CTNNA3: variants seen among roughly 807,000 people sequenced by gnomAD.
The protein encoded by CTNNA3 is catenin alpha-3.
Under a neutral mutation model 95.7 loss-of-function variants are expected in CTNNA3, and 76 were observed. That is an observed-to-expected ratio of 0.79 (90% CI 0.66 to 0.96). The LOEUF (loss-of-function observed/expected upper bound fraction) is 0.96, where lower values mean the gene tolerates loss of function less well. Among genes scored for constraint, CTNNA3 ranks in the 40% least tolerant of loss-of-function variants. The pLI, the probability that CTNNA3 is intolerant of heterozygous loss-of-function variation, is 0.00. For synonymous variants in CTNNA3, 431 were observed against 374.4 expected (o/e 1.15, Z -1.74); for missense variants, 1,191 against 1,089.8 (o/e 1.09, Z -1.31).
chr10:66,581,413 A>T (rs1388744378), intron 10 of CTNNA3, among the ~76,000 whole-genome samples: 1 of 148,032 alleles, frequency 6.8e-6, no homozygotes, highest in African/African-American at 2.5e-5. Context: ...TCTTTTGGGG[A>T]TTTTTTTTTT....
At chr10:66,952,470 C>T (rs577989494) in intron 7 of CTNNA3, among the ~76,000 whole-genome samples, 83 of 152,186 alleles carry the variant, frequency 5.5e-4, no homozygotes, top group African/African-American at 1.8e-3. Flanking sequence ...TCAGGGTATG[C>T]CGTCTTGTTT....
At chr10:66,258,205 T>C (rs992343820) in intron 13 of CTNNA3, among the ~76,000 whole-genome samples, 4 of 152,154 alleles carry the variant, frequency 2.6e-5, no homozygotes, top group African/African-American at 9.7e-5. Flanking sequence ...TAGACAAAAA[T>C]ACAGTGTTAG....
intron 5 of CTNNA3, among the ~76,000 whole-genome samples, chr10:67,422,088 T>C: frequency 6.6e-6 from 1 of 151,604 alleles, no homozygotes; most frequent in Non-Finnish European, 1.5e-5. Flanking sequence ...ATCTTCCACA[T>C]TAAATGAAAC....
intron 5 of CTNNA3, among the ~76,000 whole-genome samples, chr10:67,244,001 A>T (rs978936218): frequency 6.6e-6 from 1 of 152,196 alleles, no homozygotes; most frequent in Admixed American, 6.5e-5. Context: ...AACACCTCTC[A>T]CCACTTTAAA....
Position 67,390,206 on chromosome 10 carries a change from A to G in CTNNA3, c.579+131636T>C, listed in dbSNP as rs1248236588. 1.1e-4 allele frequency among the ~76,000 whole-genome samples: 17 copies of G among 152,354 alleles called. No homozygotes were observed. In the East Asian group the frequency reaches 2.7e-3, roughly 24 times the overall value. On this transcript the variant is annotated intron_variant, in intron 5 of 17. Coordinates refer to ENST00000433211, the MANE Select transcript of CTNNA3 (RefSeq NM_013266.4). ...GAGAAGAATCAAATAGATGCAATAAAAAATGATAAGGGGGATATCACCACC... is the reference window on the plus strand; with the variant it reads ...GAGAAGAATCAAATAGATGCAATAAGAAATGATAAGGGGGATATCACCACC...
At chr10:66,267,898 A>C (rs1287170948) in intron 13 of CTNNA3, among the ~76,000 whole-genome samples, 1 of 152,168 alleles carries the variant, frequency 6.6e-6, no homozygotes, top group Non-Finnish European at 1.5e-5. Context: ...TGGCAATTTA[A>C]TATTCTATTC....
intron 12 of CTNNA3, among the ~76,000 whole-genome samples, chr10:66,360,709 C>CCTTCCTTCCT (rs2092656521): frequency 2.6e-5 from 1 of 37,932 alleles, no homozygotes; most frequent in African/African-American, 7.7e-5. Flanking sequence ...TCTTTCTTTC[C>CCTTCCTTCCT]TCCTTCCTTT....
At chr10:67,521,241 A>G (rs775299435) in intron 5 of CTNNA3, among the ~76,000 whole-genome samples, 8 of 152,184 alleles carry the variant, frequency 5.3e-5, no homozygotes, top group Non-Finnish European at 1.0e-4. Context: ...ATAAAGTACC[A>G]GTTCTAAAAC....
intron 9 of CTNNA3, among the ~76,000 whole-genome samples, chr10:66,706,333 CATT>C (rs1848115421): frequency 1.3e-5 from 2 of 151,602 alleles, no homozygotes; most frequent in African/African-American, 4.8e-5. Context: ...TTAATCTACT[CATT>C]GTTGTCAAAA....
chr10:67,413,416 C>T (rs1429342300), intron 5 of CTNNA3, among the ~76,000 whole-genome samples: 1 of 152,086 alleles, frequency 6.6e-6, no homozygotes, highest in East Asian at 1.9e-4. Flanking sequence ...TATATACACA[C>T]CCAACTTTGG....
intron 13 of CTNNA3, among the ~76,000 whole-genome samples, chr10:66,206,267 C>A (rs1025378789): frequency 6.6e-6 from 1 of 151,866 alleles, no homozygotes; most frequent in Non-Finnish European, 1.5e-5. Flanking sequence ...GTCACTATTT[C>A]TGGGATATTA....
chr10:66,625,934 C>T (rs775529672), intron 9 of CTNNA3, among the ~76,000 whole-genome samples: 45 of 152,062 alleles, frequency 3.0e-4, no homozygotes, highest in South Asian at 8.3e-4. Flanking sequence ...GATGAGTCAC[C>T]AGTGGTAGAG....
rs370767281 is a variant in CTNNA3, at chr10:66,554,527, C to T, written c.1375-33754G>A. On this transcript the variant is annotated intron_variant, in intron 10 of 17. Coordinates refer to ENST00000433211, the MANE Select transcript of CTNNA3 (RefSeq NM_013266.4). ...CTATTTTTAATAGCTGTTACTCTTT[C>T]TTTTGCATTCCAGTCCTTTGTATCT... is the stretch of plus-strand genomic sequence containing the variant. Among the ~76,000 whole-genome samples, 549 of 152,214 alleles carry T rather than the reference C, an allele frequency of 3.6e-3. 5 individuals are homozygous for T. Among genetic ancestry groups the T allele is most frequent in the African/African-American group, 0.013 (536 of 41,558 alleles).
chr10:67,544,277 A>T (rs1840772142), intron 3 of CTNNA3, among the ~76,000 whole-genome samples: 1 of 152,200 alleles, frequency 6.6e-6, no homozygotes, highest in South Asian at 2.1e-4. Context: ...AAAAAAATAG[A>T]CCAAATAAAT....
At chr10:67,607,909 C>T (rs777542724) in intron 2 of CTNNA3, among the ~76,000 whole-genome samples, 3 of 152,204 alleles carry the variant, frequency 2.0e-5, no homozygotes, top group Non-Finnish European at 2.9e-5. Context: ...AAAAGAAATG[C>T]ATTTCATGCT....
At chr10:66,926,500 C>T in intron 7 of CTNNA3, 3 of 1,519,690 alleles carry the variant, frequency 2.0e-6, no homozygotes, top group Non-Finnish European at 2.7e-6. Flanking sequence ...TGACTCACTA[C>T]AGTGCAGCTG....
chr10:67,447,659 A>T (rs1002578838), intron 5 of CTNNA3, among the ~76,000 whole-genome samples: 1 of 152,018 alleles, frequency 6.6e-6, no homozygotes, highest in Non-Finnish European at 1.5e-5. Flanking sequence ...ATCCCTGACC[A>T]CCTTGTATCA....
At chr10:66,546,476 T>A (rs893588077) in intron 10 of CTNNA3, among the ~76,000 whole-genome samples, 5 of 152,202 alleles carry the variant, frequency 3.3e-5, no homozygotes, top group African/African-American at 1.2e-4. Flanking sequence ...TTCATACTGG[T>A]ATAAATAACT....
At chr10:67,750,178 C>T in intron 1 of CTNNA3, 1 of 1,184,618 alleles carries the variant, frequency 8.4e-7, no homozygotes, top group Non-Finnish European at 1.2e-6. Flanking sequence ...TCCGTGGCTT[C>T]ATTCTTGAAG....
Sources: allele counts gnomAD v4.1 joint callset (sites outside exome capture counted in the v4.1 genomes callset), GRCh38; gene constraint gnomAD v4.1.1; transcripts MANE v1.5; gene names NCBI Gene and HGNC (gene_info 2026-07-23, HGNC 2026-07-21).